The following APBB1IP variants were observed in gnomAD, a reference collection of about 807,000 sequenced individuals.
APBB1IP encodes the protein amyloid beta A4 precursor protein-binding family B member 1-interacting protein.
A neutral mutation model predicts 64.9 loss-of-function variants in APBB1IP; 27 were observed. That is an observed-to-expected ratio of 0.42 (90% CI 0.31 to 0.57). The LOEUF is 0.57. Among genes scored for constraint, APBB1IP ranks in the 20% least tolerant of loss-of-function variants. The probability of loss-of-function intolerance (pLI) is 0.20; values close to 1 mark genes in which losing one functional copy is unlikely to be tolerated. For synonymous variants in APBB1IP, 392 were observed against 331.0 expected, an observed-to-expected ratio of 1.18 and a Z score of -2.00; for missense variants, 812 against 845.5, an observed-to-expected ratio of 0.96 and a Z score of 0.49.
intron 2 of APBB1IP, among the ~76,000 whole-genome samples, chr10:26,460,389 C>A (rs1269440537): frequency 6.6e-6 from 1 of 152,106 alleles, no homozygotes; most frequent in Non-Finnish European, 1.5e-5. Context: ...CATTGACTCC[C>A]CAGCAATGTT....
intron 2 of APBB1IP, among the ~76,000 whole-genome samples, chr10:26,481,420 A>G (rs966713198): frequency 1.3e-5 from 2 of 152,190 alleles, no homozygotes; most frequent in Non-Finnish European, 1.5e-5. Context: ...GCATAAAATC[A>G]CAGCAATTTG....
chr10:26,512,115 C>T (rs529333685), intron 7 of APBB1IP, among the ~76,000 whole-genome samples: 1 of 152,308 alleles, frequency 6.6e-6, no homozygotes, highest in South Asian at 2.1e-4. Context: ...CAGGTGTGAG[C>T]CACTGCGCCT....
At chr10:26,450,442 C>T (rs1187081205) in intron 2 of APBB1IP, among the ~76,000 whole-genome samples, 2 of 152,142 alleles carry the variant, frequency 1.3e-5, no homozygotes, top group Non-Finnish European at 2.9e-5. Flanking sequence ...CTTTGTTATC[C>T]ACATGCCTCT....
chr10:26,567,187 A>G lies in APBB1IP; in HGVS notation c.1700A>G (p.Glu567Gly). ...PPPPPPLDDP[E>G]LPPPPPDFME... ...CCGCCGCCGCCCCTCGATGACCCTG[A>G]GCTCCCGCCGCCGCCCCCGGACTTC... The change falls in exon 15 of 15, where the codon GAG (glutamate) becomes GGG (glycine). Residue 567 changes from glutamate to glycine, a missense_variant. Coordinates refer to ENST00000376236, the MANE Select transcript of APBB1IP (RefSeq NM_019043.4). The G allele has an allele frequency of 7.1e-7, 1 of 1,406,940 alleles. No homozygotes were observed. Among genetic ancestry groups the G allele is most frequent in the Non-Finnish European group, 9.2e-7 (1 of 1,085,948 alleles). 87.2% of individuals were successfully genotyped at this position (1,406,940 alleles called of 1,614,324 possible).
chr10:26,471,256 C>T (rs1243956590), intron 2 of APBB1IP, among the ~76,000 whole-genome samples: 2 of 152,148 alleles, frequency 1.3e-5, no homozygotes, highest in African/African-American at 2.4e-5. Context: ...GATGGCCCCA[C>T]ATATCACAAG....
chr10:26,545,967 G>T (rs1836760439), intron 11 of APBB1IP, among the ~76,000 whole-genome samples: 1 of 151,840 alleles, frequency 6.6e-6, no homozygotes. Context: ...AAAAAAAAAA[G>T]ATTGCATGAT....
chr10:26,456,966 T>C (rs927389676), intron 2 of APBB1IP, among the ~76,000 whole-genome samples: 3 of 152,112 alleles, frequency 2.0e-5, no homozygotes, highest in Non-Finnish European at 4.4e-5. Context: ...CTGATCATAT[T>C]TGGGACTTCC....
chr10:26,494,310 G>A (rs1305979959), intron 3 of APBB1IP, among the ~76,000 whole-genome samples: 1 of 152,204 alleles, frequency 6.6e-6, no homozygotes, highest in Non-Finnish European at 1.5e-5. Context: ...AGTGGCAGGG[G>A]CCACTAAGCC....
intron 11 of APBB1IP, among the ~76,000 whole-genome samples, chr10:26,545,543 G>A (rs905230217): frequency 3.3e-5 from 5 of 151,990 alleles, no homozygotes; most frequent in African/African-American, 1.2e-4. Context: ...GGCGGATCAC[G>A]AGGTCAGGAG....
chr10:26,558,057 G>A (rs939575398), intron 11 of APBB1IP, among the ~76,000 whole-genome samples: 1 of 151,928 alleles, frequency 6.6e-6, no homozygotes, highest in African/African-American at 2.4e-5. Context: ...ACCAGCAAAT[G>A]AGGATTATCC....
At chr10:26,456,575 ATAGAAGCTGATT>A (rs1204257533) in intron 2 of APBB1IP, among the ~76,000 whole-genome samples, 1 of 151,970 alleles carries the variant, frequency 6.6e-6, no homozygotes, top group African/African-American at 2.4e-5. Flanking sequence ...TGGTGGCATT[ATAGAAGCTGATT>A]TAAGAAGCAG....
intron 11 of APBB1IP, among the ~76,000 whole-genome samples, chr10:26,558,018 T>C (rs1214700811): frequency 6.6e-6 from 1 of 152,064 alleles, no homozygotes; most frequent in African/African-American, 2.4e-5. Flanking sequence ...CTTCCAGCTC[T>C]CTTGGCTTTC....
chr10:26,510,012 C>A (rs1836232637), intron 6 of APBB1IP, among the ~76,000 whole-genome samples: 1 of 152,200 alleles, frequency 6.6e-6, no homozygotes, highest in South Asian at 2.1e-4. Context: ...CTCCACCCCC[C>A]ATGCTGGAGT....
intron 13 of APBB1IP, 159 bp from the exon 14 acceptor site, chr10:26,562,167 C>G: frequency 1.7e-6 from 1 of 588,732 alleles, no homozygotes; most frequent in South Asian, 1.8e-5. Flanking sequence ...GTGAGTTGCT[C>G]TCTTTGCTTT....
At chr10:26,521,369 C>A (rs1445521680) in intron 8 of APBB1IP, among the ~76,000 whole-genome samples, 1 of 152,132 alleles carries the variant, frequency 6.6e-6, no homozygotes, top group Non-Finnish European at 1.5e-5. Flanking sequence ...ACTGAAAGGA[C>A]CCAGAGGCAT....
intron 2 of APBB1IP, among the ~76,000 whole-genome samples, chr10:26,452,174 T>C (rs1400658408): frequency 6.6e-6 from 1 of 152,146 alleles, no homozygotes; most frequent in Non-Finnish European, 1.5e-5. Flanking sequence ...GTTTATTCCT[T>C]TCCTAAAAAC....
At chr10:26,470,884 C>G (rs564478769) in intron 2 of APBB1IP, among the ~76,000 whole-genome samples, 13 of 152,220 alleles carry the variant, frequency 8.5e-5, no homozygotes, top group Admixed American at 7.2e-4. Context: ...CCAACCTCAG[C>G]CTGCGTCCTT....
chr10:26,497,550 CAA>C (rs1163690127), intron 4 of APBB1IP, among the ~76,000 whole-genome samples: 1 of 132,232 alleles, frequency 7.6e-6, no homozygotes, highest in Admixed American at 7.6e-5. Context: ...GACTCTGCCT[CAA>C]AAAAAAAAAG....
intron 2 of APBB1IP, among the ~76,000 whole-genome samples, chr10:26,485,718 G>A (rs1262288801): frequency 6.6e-6 from 1 of 152,146 alleles, no homozygotes; most frequent in Non-Finnish European, 1.5e-5. Flanking sequence ...ATGTCAAGTT[G>A]GTTGTTAAGG....
Sources: gnomAD v4.1 joint callset for allele counts (sites outside exome capture counted in the v4.1 genomes callset) on GRCh38, gnomAD v4.1.1 for gene constraint, MANE v1.5 for transcripts, NCBI Gene and HGNC (gene_info 2026-07-23, HGNC 2026-07-21) for gene names.